Variants in DLG2 observed in about 807,000 individuals in gnomAD.
DLG2 encodes the protein discs large MAGUK scaffold protein 2, also known as disks large homolog 2.
A neutral mutation model predicts 132.5 loss-of-function variants in DLG2; 45 were observed. That is an observed-to-expected ratio of 0.34 (90% CI 0.27 to 0.44). The LOEUF is 0.44. DLG2 is among the 20% of genes least tolerant of loss of function. The pLI, the probability that DLG2 is intolerant of heterozygous loss-of-function variation, is 1.00. For synonymous variants in DLG2, 424 were observed against 419.6 expected (o/e 1.01, Z -0.13); for missense variants, 1,045 against 1,196.9 (o/e 0.87, Z 1.87).
chr11:85,408,168 ATAATATC>A (rs2088948751), intron 3 of DLG2, among the ~76,000 whole-genome samples: 1 of 149,158 alleles, frequency 6.7e-6, no homozygotes, highest in African/African-American at 2.4e-5. Flanking sequence ...GATTTAATAT[ATAATATC>A]TAATATTTAT....
At chr11:85,542,041 CTAAT>C (rs1280411783) in intron 3 of DLG2, among the ~76,000 whole-genome samples, 1 of 152,156 alleles carries the variant, frequency 6.6e-6, no homozygotes, top group East Asian at 1.9e-4. Context: ...TGGTTTACAG[CTAAT>C]TTATTTACAA....
intron 6 of DLG2, among the ~76,000 whole-genome samples, chr11:84,801,527 C>G (rs370031968): frequency 3.9e-4 from 59 of 152,282 alleles, no homozygotes; most frequent in African/African-American, 1.3e-3. Flanking sequence ...CACCACTGCA[C>G]TCCACCCTGG....
intron 6 of DLG2, among the ~76,000 whole-genome samples, chr11:84,838,932 C>G (rs769870781): frequency 1.3e-5 from 2 of 152,040 alleles, no homozygotes; most frequent in Non-Finnish European, 2.9e-5. Context: ...AAAACTGGTA[C>G]AAGACAGGGA....
At chr11:85,599,457 A>C (rs185463637) in intron 2 of DLG2, among the ~76,000 whole-genome samples, 109 of 152,094 alleles carry the variant, frequency 7.2e-4, no homozygotes, top group African/African-American at 2.5e-3. Context: ...TACTCCCTAG[A>C]ATCAGCGTGC....
chr11:84,246,788 A>T (rs989527471), intron 8 of DLG2, among the ~76,000 whole-genome samples: 7 of 152,170 alleles, frequency 4.6e-5, no homozygotes, highest in African/African-American at 1.7e-4. Flanking sequence ...TGTGTCATCC[A>T]TGGATAAGGT....
At chr11:84,171,527 T>C (rs2095822305) in intron 8 of DLG2, among the ~76,000 whole-genome samples, 1 of 152,206 alleles carries the variant, frequency 6.6e-6, no homozygotes, top group East Asian at 1.9e-4. Context: ...TGGCCTCCAG[T>C]TTTATCCTTA....
At chr11:84,303,534 C>A (rs117963418) in intron 7 of DLG2, among the ~76,000 whole-genome samples, 4 of 152,130 alleles carry the variant, frequency 2.6e-5, no homozygotes, top group African/African-American at 4.8e-5. Flanking sequence ...ATTATTTCAA[C>A]CTTACAGAGA....
intron 6 of DLG2, among the ~76,000 whole-genome samples, chr11:84,676,368 A>G (rs921064520): frequency 2.0e-5 from 3 of 152,034 alleles, no homozygotes; most frequent in African/African-American, 4.8e-5. Context: ...TATGTTTCCA[A>G]TGATTTTAAA....
intron 10 of DLG2, among the ~76,000 whole-genome samples, chr11:84,094,623 A>G (rs2097141674): frequency 6.6e-6 from 1 of 152,206 alleles, no homozygotes; most frequent in Admixed American, 6.5e-5. Context: ...GCCTTTAGAT[A>G]TGTCCTCACA....
At chr11:84,345,416 G>A in intron 7 of DLG2, among the ~76,000 whole-genome samples, 1 of 152,092 alleles carries the variant, frequency 6.6e-6, no homozygotes. Context: ...AGCTTTTTAG[G>A]ATATTGACCC....
At chr11:84,732,827 T>A (rs538176045) in intron 6 of DLG2, among the ~76,000 whole-genome samples, 43 of 148,840 alleles carry the variant, frequency 2.9e-4, no homozygotes, top group Non-Finnish European at 5.7e-4. Context: ...TGTGTGATGT[T>A]CCCCTTCCTG....
chr11:84,340,763 A>G (rs1205469874), intron 7 of DLG2, among the ~76,000 whole-genome samples: 1 of 152,136 alleles, frequency 6.6e-6, no homozygotes, highest in African/African-American at 2.4e-5. Context: ...TAATTAGCAT[A>G]TGTTAGGAGG....
intron 18 of DLG2, among the ~76,000 whole-genome samples, chr11:83,769,517 G>C (rs553148375): frequency 1.3e-5 from 2 of 150,268 alleles, no homozygotes; most frequent in African/African-American, 4.9e-5. Context: ...GGGATGGAGT[G>C]TATGGTTAGG....
chr11:84,236,301 A>C (rs931092542), intron 8 of DLG2, among the ~76,000 whole-genome samples: 6 of 152,246 alleles, frequency 3.9e-5, no homozygotes, highest in South Asian at 2.1e-4. Flanking sequence ...AGACATTCAA[A>C]GACAGGGAAA....
At chr11:83,522,813 C>T (rs565921023) in intron 21 of DLG2, among the ~76,000 whole-genome samples, 5 of 143,604 alleles carry the variant, frequency 3.5e-5, no homozygotes, top group Admixed American at 2.8e-4. Flanking sequence ...AGCCCCCCCC[C>T]CCTTTTTTTT....
chr11:84,350,387 A>G (rs541148927), intron 7 of DLG2, among the ~76,000 whole-genome samples: 5 of 152,254 alleles, frequency 3.3e-5, no homozygotes, highest in African/African-American at 1.2e-4. Flanking sequence ...AGTATCACAA[A>G]ATGTATTTAA....
Position 85,537,454 on chromosome 11 carries a change from G to A in DLG2, c.40+61203C>T, listed in dbSNP as rs538080631. 3.4e-3 allele frequency among the ~76,000 whole-genome samples: 516 copies of A among 152,278 alleles called. 4 individuals are homozygous for A. Among genetic ancestry groups the A allele is most frequent in the Non-Finnish European group, 5.4e-3 (369 of 67,996 alleles). ...CATGAAGGTCTGCAGGTTCACTCCTGAAGCCAGTGAGACCACCAACCCACC... is the reference window on the plus strand; with the variant it reads ...CATGAAGGTCTGCAGGTTCACTCCTAAAGCCAGTGAGACCACCAACCCACC... On this transcript the variant is annotated intron_variant, in intron 3 of 27. Transcript: ENST00000376104.
intron 6 of DLG2, among the ~76,000 whole-genome samples, chr11:84,746,565 G>C (rs2065393359): frequency 6.6e-6 from 1 of 152,138 alleles, no homozygotes; most frequent in African/African-American, 2.4e-5. Flanking sequence ...ATATCTATAA[G>C]ATGAGGCTAA....
rs574920508 is a variant in DLG2, at chr11:84,580,631, T to A, written c.358-45900A>T. ...CAGCTGCTGTACTCTAATTCAGCTC[T>A]GTCTCCTCGTATTTTGAAAGACTGA... On this transcript the variant is annotated intron_variant, in intron 6 of 27. Coordinates refer to ENST00000376104, the MANE Select transcript of DLG2 (RefSeq NM_001142699.3). Among the ~76,000 whole-genome samples, 3 of 152,336 alleles carry A rather than the reference T, an allele frequency of 2.0e-5. No individual in the cohort carries two copies. In the South Asian group the frequency reaches 6.2e-4, roughly 32 times the overall value.
Sources: allele counts gnomAD v4.1 joint callset (sites outside exome capture counted in the v4.1 genomes callset), GRCh38; gene constraint gnomAD v4.1.1; transcripts MANE v1.5; gene names NCBI Gene and HGNC (gene_info 2026-07-23, HGNC 2026-07-21).